The following ZNF208 variants were observed in gnomAD, a reference collection of about 807,000 sequenced individuals.
The protein encoded by ZNF208 is zinc finger protein 95.
In ZNF208, 10 loss-of-function variants were observed where a neutral mutation model predicts 12.1. That is an observed-to-expected ratio of 0.83 (90% CI 0.51 to 1.40). The LOEUF (loss-of-function observed/expected upper bound fraction) is 1.40. Among genes scored for constraint, ZNF208 ranks in the 40% most tolerant of loss-of-function variants. ZNF208 has a pLI of 0.00. For missense variants in ZNF208, 1,652 were observed against 1,485.0 expected (o/e 1.11, Z -1.85); for synonymous variants, 497 against 488.4 (o/e 1.02, Z -0.23).
intron 4 of ZNF208, among the ~76,000 whole-genome samples, chr19:21,956,567 C>A (rs902374337): frequency 6.6e-6 from 1 of 152,316 alleles, no homozygotes; most frequent in Admixed American, 6.5e-5. Flanking sequence ...CTTGCTGCCA[C>A]CTTGCAGTTC....
At chr19:22,009,547 G>C (rs1343523221) in intron 1 of ZNF208, 1 of 152,006 alleles carries the variant, frequency 6.6e-6, no homozygotes, top group Non-Finnish European at 1.5e-5. Context: ...TCAGGAGTTC[G>C]AGACCAGCCT....
rs1030447786 is a variant in ZNF208, at chr19:21,970,120, A to G, written c.*1071T>C. The stretch of plus-strand genomic sequence containing the variant: ...TTTTCTAGGATTTCTCATCTGTACG[A>G]TTTCTTTTATATTCAGAAAAGTCTG... On this transcript the variant is annotated 3_prime_UTR_variant, in exon 4 of 4. Transcript: ENST00000397126. 6.6e-6 allele frequency among the ~76,000 whole-genome samples: 1 copy of G among 152,172 alleles called. No individual in the cohort carries two copies. The highest frequency in any genetic ancestry group is 2.4e-5 in the African/African-American group (1 of 41,454).
intron 3 of ZNF208, among the ~76,000 whole-genome samples, chr19:21,979,282 T>C (rs909877714): frequency 2.0e-5 from 3 of 152,110 alleles, no homozygotes; most frequent in African/African-American, 7.2e-5. Context: ...ATCGTCAGAT[T>C]CACCAAGGTT....
At chr19:21,949,147 C>A (rs989978305) in intron 4 of ZNF208, among the ~76,000 whole-genome samples, 1 of 152,284 alleles carries the variant, frequency 6.6e-6, no homozygotes, top group Non-Finnish European at 1.5e-5. Flanking sequence ...ATTACTTAGG[C>A]AGGCTCTAAT....
chr19:21,982,903 T>C (rs1045925633), intron 3 of ZNF208, among the ~76,000 whole-genome samples: 7 of 152,054 alleles, frequency 4.6e-5, no homozygotes, highest in Admixed American at 1.3e-4. Flanking sequence ...CTGCAAACCA[T>C]AAAAACCGTA....
intron 1 of ZNF208, among the ~76,000 whole-genome samples, chr19:21,994,779 C>T (rs1471897998): frequency 1.3e-5 from 2 of 151,832 alleles, no homozygotes; most frequent in African/African-American, 2.4e-5. Context: ...CAGGTGTAGA[C>T]ATCAGAAACC....
chr19:21,990,216 G>A (rs1422733083), intron 1 of ZNF208, among the ~76,000 whole-genome samples: 2 of 152,024 alleles, frequency 1.3e-5, no homozygotes, highest in South Asian at 4.2e-4. Flanking sequence ...TATGGTTTTA[G>A]GTCTAAAGTT....
At chr19:21,982,084 G>A (rs777132730) in intron 3 of ZNF208, among the ~76,000 whole-genome samples, 2 of 152,190 alleles carry the variant, frequency 1.3e-5, no homozygotes, top group East Asian at 1.9e-4. Context: ...ATGGCTGGGC[G>A]CAGTGGCTAA....
chr19:21,942,170 GAA>G (rs1379196311), intron 4 of ZNF208, among the ~76,000 whole-genome samples: 1 of 152,090 alleles, frequency 6.6e-6, no homozygotes, highest in African/African-American at 2.4e-5. Context: ...ATATTTTAAT[GAA>G]AAGTTTTTAG....
chr19:22,009,805 G>A (rs1036612769), intron 1 of ZNF208, among the ~76,000 whole-genome samples: 3 of 151,514 alleles, frequency 2.0e-5, no homozygotes, highest in African/African-American at 2.4e-5. Context: ...TACATTGGGG[G>A]AAAAAATTTC....
In ZNF208 at chr19:21,972,724, A is replaced by G; in HGVS notation, c.2310T>C (p.Ile770=). 6.3e-7 allele frequency: 1 copy of G among 1,589,720 alleles called. No homozygotes were observed. Among genetic ancestry groups the G allele is most frequent in the South Asian group, 1.1e-5 (1 of 88,822 alleles). The part of the protein sequence containing the change: ...WSSTLSYHKK[I]HTVEKPYKCE... ...ATTTGTAGGGTTTCTCTACAGTATG[A>G]ATTTTCTTATGATAACTAAGGGTTG... The change falls in exon 4 of 4, where the codon ATT becomes ATC. Residue 770 remains isoleucine, a synonymous_variant. Transcript: ENST00000397126.
Position 21,987,331 on chromosome 19 carries a change from C to T in ZNF208, c.131-20G>A. On this transcript the variant is annotated intron_variant, in intron 2 of 3. Transcript: ENST00000397126. ...CAATACCTGTTTTATTAAAAATGAA[C>T]AACATGCTTCTTGCTCATATTCTCC... is the stretch of plus-strand genomic sequence containing the variant. The T allele has an allele frequency of 1.3e-6, 2 of 1,596,242 alleles. No homozygotes were observed. The highest frequency in any genetic ancestry group is 1.7e-6 in the Non-Finnish European group (2 of 1,172,220).
intron 1 of ZNF208, among the ~76,000 whole-genome samples, chr19:21,997,419 A>G (rs996493760): frequency 6.6e-6 from 1 of 152,168 alleles, no homozygotes; most frequent in Admixed American, 6.5e-5. Flanking sequence ...TCTTCTACAA[A>G]AAGTGTTGAT....
rs1970361150 is a variant in ZNF208 at position 21,973,759 on chromosome 19, G to A, written c.1275C>T (p.Tyr425=). 6.8e-6 allele frequency: 11 copies of A among 1,606,188 alleles called. No homozygotes were observed. The highest frequency in any genetic ancestry group is 9.4e-6 in the Non-Finnish European group (11 of 1,173,738). The change falls in exon 4 of 4, where the codon TAC becomes TAT. Residue 425 remains tyrosine (Y), a synonymous_variant. Coordinates refer to ENST00000397126, the MANE Select transcript of ZNF208 (RefSeq NM_007153.3). ...AAGCTTTGCCACATTCTTCACATTT[G>A]TAGGGTTTCTCTCCAGTATGAATGA... ...HEVIHTGEKP[Y]KCEECGKAFN... is the part of the protein sequence containing the mutation.
chr19:21,983,843 G>A (rs1351228112), intron 3 of ZNF208, among the ~76,000 whole-genome samples: 1 of 152,034 alleles, frequency 6.6e-6, no homozygotes, highest in Non-Finnish European at 1.5e-5. Flanking sequence ...ACACACCAGG[G>A]CCTGTCAAGG....
intron 4 of ZNF208, among the ~76,000 whole-genome samples, chr19:21,949,426 C>T (rs569470891): frequency 6.6e-6 from 1 of 152,276 alleles, no homozygotes; most frequent in African/African-American, 2.4e-5. Flanking sequence ...GAATTAAACT[C>T]ATTTTCTTCT....
At chr19:21,977,310 T>C (rs910517825) in intron 3 of ZNF208, among the ~76,000 whole-genome samples, 7 of 151,882 alleles carry the variant, frequency 4.6e-5, no homozygotes, top group African/African-American at 1.7e-4. Context: ...GGAACAGCTC[T>C]GGTCTACAGC....
At chr19:21,962,754 T>C (rs568035399), downstream of ZNF208, among the ~76,000 whole-genome samples, 1 of 152,214 alleles carries the variant, frequency 6.6e-6, no homozygotes, top group South Asian at 2.1e-4. Context: ...TTTCAAAAGC[T>C]AATGTATTTT....
rs1330079889 is a variant in ZNF208, at chr19:21,972,358, T to C, written c.2676A>G (p.Glu892=). 7 of 1,612,822 alleles carry C rather than the reference T, an allele frequency of 4.3e-6. No homozygotes were observed. The South Asian group carries it at 7.7e-5, about 18-fold the overall frequency. ...ACATACTAAAACCTTTGCCACATTCTTCACATTTGTAGGGTTTCTCTCCAG... is the reference window on the plus strand; with the variant it reads ...ACATACTAAAACCTTTGCCACATTCCTCACATTTGTAGGGTTTCTCTCCAG... ...IHTGEKPYKC[E]ECGKGFSMFS... The change falls in exon 4 of 4, where the codon GAA becomes GAG. Residue 892 remains glutamate (E), a synonymous_variant. Transcript: ENST00000397126.
Sources: allele counts gnomAD v4.1 joint callset (sites outside exome capture counted in the v4.1 genomes callset), GRCh38; gene constraint gnomAD v4.1.1; transcripts MANE v1.5; gene names NCBI Gene and HGNC (gene_info 2026-07-23, HGNC 2026-07-21).